The following GPC5 variants were observed in gnomAD, a reference collection of about 807,000 sequenced individuals.
The protein encoded by GPC5 is glypican-5.
GPC5 carries 47 observed loss-of-function variants against 53.9 expected under a neutral mutation model. The ratio of observed to expected loss-of-function variants is 0.87; its 90% CI spans 0.69 to 1.11. The LOEUF (loss-of-function observed/expected upper bound fraction) is 1.11. Ranked by LOEUF, GPC5 falls within the 50% of genes most tolerant of loss-of-function variation. The pLI, the probability that GPC5 is intolerant of heterozygous loss-of-function variation, is 0.00. For missense variants in GPC5, 748 were observed against 713.1 expected, an observed-to-expected ratio of 1.05 and a Z score of -0.56; for synonymous variants, 286 against 263.3, an observed-to-expected ratio of 1.09 and a Z score of -0.84.
At chr13:91,414,465 T>C (rs550604762) in intron 1 of GPC5, among the ~76,000 whole-genome samples, 4 of 152,322 alleles carry the variant, frequency 2.6e-5, no homozygotes, top group African/African-American at 4.8e-5. Flanking sequence ...AATTGACTAA[T>C]ACAGTGATGT....
rs558913552 is a variant in GPC5 at position 92,740,814 on chromosome 13, G to A, written c.1562-125468G>A. Among the ~76,000 whole-genome samples the A allele has an allele frequency of 3.3e-5, 5 of 150,612 alleles. 1 individual carries two copies. Among genetic ancestry groups the A allele is most frequent in the Non-Finnish European group, 7.4e-5 (5 of 67,638 alleles). The stretch of plus-strand genomic sequence containing the variant: ...AGCAAGGGGTAGGATGATTAGGAAA[G>A]AAAAGAAGCAGGTAGAATATATTGG... On this transcript the variant is annotated intron_variant, in intron 7 of 7. Coordinates refer to ENST00000377067, the MANE Select transcript of GPC5 (RefSeq NM_004466.6).
intron 7 of GPC5, among the ~76,000 whole-genome samples, chr13:92,782,368 G>A (rs2055986397): frequency 6.6e-6 from 1 of 152,198 alleles, no homozygotes; most frequent in African/African-American, 2.4e-5. Flanking sequence ...AATACACATA[G>A]GCAAACAAGG....
At chr13:91,513,314 C>T (rs1351162604) in intron 2 of GPC5, among the ~76,000 whole-genome samples, 1 of 151,874 alleles carries the variant, frequency 6.6e-6, no homozygotes, top group Non-Finnish European at 1.5e-5. Context: ...ATACAATCTA[C>T]TGGTCTTATT....
At chr13:92,069,838 C>T (rs2041196625) in intron 6 of GPC5, among the ~76,000 whole-genome samples, 1 of 152,128 alleles carries the variant, frequency 6.6e-6, no homozygotes, top group Non-Finnish European at 1.5e-5. Flanking sequence ...CCGTGAGATT[C>T]TGCCTTATGT....
intron 6 of GPC5, among the ~76,000 whole-genome samples, chr13:91,970,429 T>C (rs2040230534): frequency 6.6e-6 from 1 of 151,010 alleles, no homozygotes; most frequent in African/African-American, 2.5e-5. Flanking sequence ...AGGAGTAGAT[T>C]GCCCCCCCCT....
At chr13:92,776,680 G>A (rs1875818864) in intron 7 of GPC5, among the ~76,000 whole-genome samples, 1 of 151,996 alleles carries the variant, frequency 6.6e-6, no homozygotes, top group Admixed American at 6.6e-5. Flanking sequence ...AATTGTGGGG[G>A]AATGTTTTCA....
chr13:91,740,437 A>G (rs2036907058), intron 4 of GPC5, among the ~76,000 whole-genome samples: 1 of 152,112 alleles, frequency 6.6e-6, no homozygotes, highest in African/African-American at 2.4e-5. Flanking sequence ...TTATTCCTGG[A>G]TAAGAGTTGT....
At chr13:92,717,939 G>A (rs1374449693) in intron 7 of GPC5, among the ~76,000 whole-genome samples, 1 of 151,912 alleles carries the variant, frequency 6.6e-6, no homozygotes, top group East Asian at 1.9e-4. Flanking sequence ...ATTAAAAATG[G>A]GCAAAAGGTC....
chr13:91,830,639 C>T (rs1324187853), intron 5 of GPC5, among the ~76,000 whole-genome samples: 12 of 151,064 alleles, frequency 7.9e-5, no homozygotes, highest in Admixed American at 6.0e-4. Flanking sequence ...AATCCATGTT[C>T]TTCTGCCATG....
At chr13:92,560,592 A>G (rs981841004) in intron 7 of GPC5, among the ~76,000 whole-genome samples, 1 of 152,014 alleles carries the variant, frequency 6.6e-6, no homozygotes, top group Admixed American at 6.6e-5. Flanking sequence ...TATCCCCGGC[A>G]TATACATTGG....
intron 6 of GPC5, among the ~76,000 whole-genome samples, chr13:91,940,113 C>T (rs1024237529): frequency 3.3e-5 from 5 of 152,188 alleles, no homozygotes; most frequent in Admixed American, 3.3e-4. Context: ...AGTTGTCTTC[C>T]TTCTTTCTTA....
rs1159456089 is a variant in GPC5 at position 92,624,016 on chromosome 13, G to A, written c.1562-242266G>A. On this transcript the variant is annotated intron_variant, in intron 7 of 7. Coordinates refer to ENST00000377067, the MANE Select transcript of GPC5 (RefSeq NM_004466.6). ...ATTACAGGTGCCTACCACCATGCTC[G>A]GCTAATTTTTTTTTTTTCTATTTTT... 3.4e-5 allele frequency among the ~76,000 whole-genome samples: 4 copies of A among 118,476 alleles called. No homozygotes were observed. In the South Asian group the frequency reaches 7.1e-4, roughly 21 times the overall value. The allele number at this position is 118,476 out of a possible 152,430, so 77.7% of individuals were successfully genotyped here.
intron 6 of GPC5, among the ~76,000 whole-genome samples, chr13:92,140,439 C>T (rs893791764): frequency 3.3e-5 from 5 of 152,112 alleles, no homozygotes; most frequent in South Asian, 2.1e-4. Context: ...TTCTTAGGTA[C>T]ATTTAGAAAT....
intron 7 of GPC5, among the ~76,000 whole-genome samples, chr13:92,197,829 A>C (rs2042268225): frequency 6.6e-6 from 1 of 151,810 alleles, no homozygotes; most frequent in African/African-American, 2.4e-5. Context: ...CATATGTCTT[A>C]AGATAAAATC....
chr13:91,454,320 CA>C (rs1463335590), intron 2 of GPC5, among the ~76,000 whole-genome samples: 2 of 151,960 alleles, frequency 1.3e-5, no homozygotes, highest in Non-Finnish European at 2.9e-5. Flanking sequence ...GATCTAAGAT[CA>C]GGTTTACTTT....
chr13:92,286,901 A>G (rs1271264017), intron 7 of GPC5, among the ~76,000 whole-genome samples: 1 of 152,164 alleles, frequency 6.6e-6, no homozygotes, highest in Non-Finnish European at 1.5e-5. Flanking sequence ...ATCACTAGTA[A>G]AAAAGAAAAA....
At chr13:91,474,208 T>C (rs1309269304) in intron 2 of GPC5, among the ~76,000 whole-genome samples, 1 of 152,154 alleles carries the variant, frequency 6.6e-6, no homozygotes, top group African/African-American at 2.4e-5. Context: ...GTAAATCTAT[T>C]TTATTCTTGG....
At chr13:92,767,257 G>T (rs1458670154) in intron 7 of GPC5, among the ~76,000 whole-genome samples, 1 of 152,084 alleles carries the variant, frequency 6.6e-6, no homozygotes, top group African/African-American at 2.4e-5. Context: ...GATCACTTGA[G>T]GTCAGGAGTT....
At chr13:91,791,847 C>A (rs1285416654) in intron 5 of GPC5, among the ~76,000 whole-genome samples, 1 of 151,938 alleles carries the variant, frequency 6.6e-6, no homozygotes, top group Non-Finnish European at 1.5e-5. Context: ...TAAACTAAAT[C>A]TTAAAATAGG....
Sources: gnomAD v4.1 joint callset for allele counts (sites outside exome capture counted in the v4.1 genomes callset) on GRCh38, gnomAD v4.1.1 for gene constraint, MANE v1.5 for transcripts, NCBI Gene and HGNC (gene_info 2026-07-23, HGNC 2026-07-21) for gene names.